Variants in TAPBPL observed in about 807,000 individuals in gnomAD.
The protein encoded by TAPBPL is TAP binding protein like, also known as tapasin-related protein.
TAPBPL carries 32 observed loss-of-function variants against 44.8 expected under a neutral mutation model. That is an observed-to-expected ratio of 0.71 (90% CI 0.54 to 0.96). The LOEUF is 0.96. Among genes scored for constraint, TAPBPL ranks in the 40% least tolerant of loss-of-function variants. The pLI, the probability that TAPBPL is intolerant of heterozygous loss-of-function variation, is 0.00. For synonymous variants in TAPBPL, 230 were observed against 240.7 expected (o/e 0.96, Z 0.41); for missense variants, 520 against 586.6 (o/e 0.89, Z 1.17).
chr12:6,453,081 G>C lies in TAPBPL; in HGVS notation c.79G>C (p.Glu27Gln). The C allele has an allele frequency of 3.8e-6, 6 of 1,580,198 alleles. No homozygotes were observed. Among genetic ancestry groups the C allele is most frequent in the Non-Finnish European group, 5.2e-6 (6 of 1,163,812 alleles). ...TTTGTCTGCAGAGCCCCACCCAGCA[G>C]AGGGGCAGTGGCGGGCAGTGGACGT... ...GAAETKPHPA[E>Q]GQWRAVDVVL... The change falls in exon 2 of 7, where the codon GAG becomes CAG. Residue 27 changes from glutamate (E) to glutamine (Q), a missense_variant. By Grantham distance (29) the Glu-to-Gln change is conservative. Coordinates refer to ENST00000266556, the MANE Select transcript of TAPBPL (RefSeq NM_018009.5). This position sits in a 1 kb window ranked among gnomAD's most constrained non-coding sequence, Gnocchi z 4.8.
At chr12:6,456,943 G>A (rs753517158) in intron 3 of TAPBPL, among the ~76,000 whole-genome samples, 9 of 152,298 alleles carry the variant, frequency 5.9e-5, no homozygotes, top group Admixed American at 4.6e-4. Flanking sequence ...ATGAGCCACC[G>A]CACCCAGCCA....
rs908469827 is a variant in TAPBPL, at chr12:6,457,671, C to A, written c.831C>A (p.Asp277Glu). Residue 277 changes from aspartate (D) to glutamate (E), a missense_variant, in exon 4 of 7, where the codon GAC becomes GAA. Coordinates refer to ENST00000266556, the MANE Select transcript of TAPBPL (RefSeq NM_018009.5). Reference protein sequence around the residue: ...SLTLPGLTIQDEGTYICQITT... With the variant: ...SLTLPGLTIQEEGTYICQITT... Reference sequence around the variant, plus strand: ...CCCTGCCCGGCCTCACTATACAGGACGAGGGGACCTACATTTGCCAGATCA... The same window carrying A: ...CCCTGCCCGGCCTCACTATACAGGAAGAGGGGACCTACATTTGCCAGATCA... The A allele has an allele frequency of 6.2e-7, 1 of 1,613,656 alleles. No individual in the cohort carries two copies. The highest frequency in any genetic ancestry group is 8.5e-7 in the Non-Finnish European group (1 of 1,179,770).
In TAPBPL at chr12:6,453,360, C is replaced by A; in HGVS notation, c.295+63C>A. On this transcript the variant is annotated intron_variant, in intron 2 of 6. Transcript: ENST00000266556. This position sits in a 1 kb window ranked among gnomAD's most constrained non-coding sequence, Gnocchi z 4.8. Reference sequence around the variant, plus strand: ...CTCCCTCCACCAGGACAGCCCAGGTCCCGATTACAGCCACACATACTGCCT... The same window carrying A: ...CTCCCTCCACCAGGACAGCCCAGGTACCGATTACAGCCACACATACTGCCT... 1 of 1,609,228 alleles carries A rather than the reference C, an allele frequency of 6.2e-7. No homozygotes were observed. Among genetic ancestry groups the A allele is most frequent in the Non-Finnish European group, 8.5e-7 (1 of 1,177,216 alleles).
intron 3 of TAPBPL, 72 bp from the exon 4 acceptor site, chr12:6,457,334 C>T (rs1949726346): frequency 1.1e-5 from 16 of 1,471,314 alleles, no homozygotes; most frequent in East Asian, 2.3e-5. Flanking sequence ...CCACAACATG[C>T]CCACAGCTTG....
intron 6 of TAPBPL, 127 bp from the exon 7 acceptor site, chr12:6,461,907 C>T: frequency 1.4e-6 from 1 of 694,092 alleles, no homozygotes; most frequent in Non-Finnish European, 2.4e-6. Context: ...TCCCCTGGGA[C>T]AGGACAAGCA....
intron 3 of TAPBPL, among the ~76,000 whole-genome samples, chr12:6,455,191 G>A (rs1388254938): frequency 6.6e-6 from 1 of 152,148 alleles, no homozygotes; most frequent in African/African-American, 2.4e-5. Flanking sequence ...GTGTATATGT[G>A]TACGTGTGTA....
chr12:6,464,761 C>G (rs1170331169), downstream of TAPBPL: 3 of 1,533,704 alleles, frequency 2.0e-6, no homozygotes, highest in South Asian at 2.6e-5. Flanking sequence ...AACCAGGTGA[C>G]GATCCCATAG....
chr12:6,464,373 G>C, downstream of TAPBPL: 6 of 1,552,238 alleles, frequency 3.9e-6, no homozygotes, highest in Non-Finnish European at 5.2e-6. Context: ...GGCTGGAATG[G>C]AGGACGGTGG....
At chr12:6,470,679 C>A, downstream of TAPBPL, 1 of 1,010,714 alleles carries the variant, frequency 9.9e-7, no homozygotes, top group Non-Finnish European at 1.5e-6. Context: ...GAACTTACTG[C>A]AGCTGCCGCG....
chr12:6,452,266 C>G lies in TAPBPL; in HGVS notation c.18C>G (p.Gly6=), dbSNP rs757470363. The stretch of plus-strand genomic sequence containing the variant: ...CAGCCTCCATGGGCACACAGGAGGG[C>G]TGGTGCCTGCTGCTCTGCCTGGCTC... MGTQE[G]WCLLLCLALS... is the part of the protein sequence containing the mutation. The change falls in exon 1 of 7, where the codon GGC becomes GGG. Residue 6 remains glycine (G), a synonymous_variant. Coordinates refer to ENST00000266556, the MANE Select transcript of TAPBPL (RefSeq NM_018009.5). The G allele has an allele frequency of 8.3e-6, 13 of 1,573,714 alleles. No homozygotes were observed. Among genetic ancestry groups the G allele is most frequent in the Non-Finnish European group, 1.1e-5 (13 of 1,160,030 alleles).
At position 6,452,118 on chromosome 12, in the gene TAPBPL, C is replaced by T. The variant is rs1287831955; in HGVS notation, c.-131C>T. 4 of 1,119,690 alleles carry T rather than the reference C, an allele frequency of 3.6e-6. No homozygotes were observed. Among genetic ancestry groups the T allele is most frequent in the East Asian group, 2.6e-5 (1 of 38,768 alleles). The allele number at this position is 1,119,690 out of a possible 1,614,324, so 69.4% of individuals were successfully genotyped here. On this transcript the variant is annotated 5_prime_UTR_variant, in exon 1 of 7. Coordinates refer to ENST00000266556, the MANE Select transcript of TAPBPL (RefSeq NM_018009.5). ...AAAGAAAAGTCGGCAGCAGAGGGAA[C>T]AGGGAAGAAACCTAAAGGCTGCAGG...
rs1351073927 is a variant in TAPBPL at position 6,457,431 on chromosome 12, C to T, written c.591C>T (p.Thr197=). ...TAVEFQVMTQ[T]QSLSFLLGSS... is the part of the protein sequence containing the mutation. ...TGGAGTTCCAGGTGATGACACAGAC[C>T]CAATCCCTGAGCTTCCTGCTGGGGT... Residue 197 remains threonine (T), a synonymous_variant, in exon 4 of 7, where the codon ACC becomes ACT. Coordinates refer to ENST00000266556, the MANE Select transcript of TAPBPL (RefSeq NM_018009.5). The T allele has an allele frequency of 6.2e-7, 1 of 1,614,136 alleles. No individual in the cohort carries two copies. Among genetic ancestry groups the T allele is most frequent in the South Asian group, 1.1e-5 (1 of 91,078 alleles).
At chr12:6,467,933 G>A (rs1945669409), downstream of TAPBPL, among the ~76,000 whole-genome samples, 2 of 152,006 alleles carry the variant, frequency 1.3e-5, no homozygotes, top group Non-Finnish European at 2.9e-5. Context: ...GGCAAGAACT[G>A]AGGTTCGGGA....
chr12:6,466,287 CA>C (rs750911197), downstream of TAPBPL: 4 of 1,614,188 alleles, frequency 2.5e-6, no homozygotes, highest in Non-Finnish European at 3.4e-6. Context: ...GGAGGAGGGC[CA>C]GGGGGACCCC....
intron 1 of TAPBPL, 163 bp downstream of exon 1, chr12:6,452,475 A>T: frequency 5.6e-6 from 8 of 1,419,618 alleles, no homozygotes; most frequent in Admixed American, 5.8e-5. Context: ...GAAGGAACCA[A>T]TAGTGTGTGT....
downstream of TAPBPL, chr12:6,470,568 G>A (rs199594971): frequency 2.2e-5 from 35 of 1,613,684 alleles, no homozygotes; most frequent in African/African-American, 4.1e-4. Flanking sequence ...GTTCCTCTCC[G>A]GAGGCTGCGG....
In TAPBPL at chr12:6,453,223, C is replaced by A. The variant is rs750096943; in HGVS notation, c.221C>A (p.Ser74Tyr). 1 of 1,613,842 alleles carries A rather than the reference C, an allele frequency of 6.2e-7. No individual in the cohort carries two copies. Among genetic ancestry groups the A allele is most frequent in the Non-Finnish European group, 8.5e-7 (1 of 1,179,922 alleles). The change falls in exon 2 of 7, where the codon TCC becomes TAC. Residue 74 changes from serine to tyrosine, a missense_variant. Transcript: ENST00000266556. The surrounding 1 kb of genome is among the most constrained non-coding windows in gnomAD (Gnocchi z 4.8). The stretch of plus-strand genomic sequence containing the variant: ...CAGGTGCCAGTGCTGGACGATGGCT[C>A]CCTGGAGGACTTCACCGATTTCCAA... ...LKQVPVLDDG[S>Y]LEDFTDFQGG...
chr12:6,462,978 G>A, downstream of TAPBPL: 1 of 1,551,572 alleles, frequency 6.4e-7, no homozygotes, highest in South Asian at 1.2e-5. Flanking sequence ...TCCTGTTCGT[G>A]GACCGAGGGA....
At chr12:6,467,556 G>A (rs1306024509), downstream of TAPBPL, among the ~76,000 whole-genome samples, 1 of 152,146 alleles carries the variant, frequency 6.6e-6, no homozygotes, top group Non-Finnish European at 1.5e-5. Flanking sequence ...AAGAAAAGAC[G>A]CAGTACTAAA....
Sources: gnomAD v4.1 joint callset for allele counts (sites outside exome capture counted in the v4.1 genomes callset) on GRCh38, gnomAD v4.1.1 for gene constraint, Gnocchi (gnomAD v3.1) non-coding constraint, MANE v1.5 for transcripts, NCBI Gene and HGNC (gene_info 2026-07-23, HGNC 2026-07-21) for gene names.